RIC1: variants seen among roughly 807,000 people sequenced by gnomAD.
The protein encoded by RIC1 is RIC1 partner of RAB6A GEF complex.
A neutral mutation model predicts 169.0 loss-of-function variants in RIC1; 88 were observed. The ratio of observed to expected loss-of-function variants is 0.52; its 90% CI spans 0.44 to 0.62. The LOEUF (loss-of-function observed/expected upper bound fraction) is 0.62, where lower values mean the gene tolerates loss of function less well. RIC1 is among the 20% of genes least tolerant of loss of function. The pLI is 0.00. For missense variants in RIC1, 1,877 were observed against 1,725.5 expected (o/e 1.09, Z -1.56); for synonymous variants, 790 against 601.5 (o/e 1.31, Z -4.59).
chr9:5,764,664 C>A (rs899683436), intron 19 of RIC1, among the ~76,000 whole-genome samples: 1 of 152,138 alleles, frequency 6.6e-6, no homozygotes, highest in Non-Finnish European at 1.5e-5. Context: ...AAGCAGAGGC[C>A]AGGTGGCCTT....
chr9:5,649,013 A>G (rs1818667364), intron 1 of RIC1, among the ~76,000 whole-genome samples: 1 of 152,180 alleles, frequency 6.6e-6, no homozygotes, highest in Non-Finnish European at 1.5e-5. Context: ...AAGTCTCAAA[A>G]CATTTTAAAA....
chr9:5,744,397 T>A (rs551943575), intron 10 of RIC1, among the ~76,000 whole-genome samples: 1 of 152,190 alleles, frequency 6.6e-6, no homozygotes, highest in African/African-American at 2.4e-5. Context: ...TTTACATAGA[T>A]GTATGTCAAA....
chr9:5,640,253 C>A (rs1818173625), intron 1 of RIC1, among the ~76,000 whole-genome samples: 1 of 152,072 alleles, frequency 6.6e-6, no homozygotes, highest in South Asian at 2.1e-4. Context: ...TTTGAGTTTA[C>A]TGTGAGACTT....
In RIC1 at chr9:5,774,864, T is replaced by A. The variant is rs1827492330; in HGVS notation, c.*618T>A. ...GTTAATGTGCTTGTTTTAGCAAGCT[T>A]GATTCCCATTAGACCAATGTGGGCA... On this transcript the variant is annotated 3_prime_UTR_variant, in exon 26 of 26. Coordinates refer to ENST00000414202, the MANE Select transcript of RIC1 (RefSeq NM_020829.4). 1 of 152,272 alleles carries A rather than the reference T, an allele frequency of 6.6e-6. No individual in the cohort carries two copies. Among genetic ancestry groups the A allele is most frequent in the Non-Finnish European group, 1.5e-5 (1 of 68,068 alleles). The allele number at this position is 152,272 out of a possible 1,614,324, so 9.4% of individuals were successfully genotyped here.
chr9:5,745,068 T>C (rs1318865061), intron 10 of RIC1, among the ~76,000 whole-genome samples: 1 of 152,186 alleles, frequency 6.6e-6, no homozygotes, highest in Non-Finnish European at 1.5e-5. Context: ...AAATAAGTTT[T>C]CACCACACAT....
At chr9:5,720,070 G>A in intron 4 of RIC1, 112 bp from the exon 5 acceptor site, 1 of 731,790 alleles carries the variant, frequency 1.4e-6, no homozygotes, top group Non-Finnish European at 2.2e-6. Flanking sequence ...GAGATGTTTT[G>A]TAAATGGTTT....
At chr9:5,747,193 C>A in intron 11 of RIC1, 109 bp from the exon 12 acceptor site, 1 of 771,394 alleles carries the variant, frequency 1.3e-6, no homozygotes, top group Non-Finnish European at 2.2e-6. Flanking sequence ...GATACATGTA[C>A]ATTTCCTATA....
intron 6 of RIC1, among the ~76,000 whole-genome samples, chr9:5,726,500 T>G (rs1231529756): frequency 1.3e-5 from 2 of 152,228 alleles, no homozygotes; most frequent in East Asian, 1.9e-4. Flanking sequence ...GTCTTGACAC[T>G]TTATCCAATT....
At chr9:5,716,863 T>C (rs1191654101) in intron 4 of RIC1, among the ~76,000 whole-genome samples, 1 of 152,142 alleles carries the variant, frequency 6.6e-6, no homozygotes, top group African/African-American at 2.4e-5. Flanking sequence ...TTAGAGGTGG[T>C]AGTCTCACTG....
In RIC1 at chr9:5,689,976, C is replaced by T. The variant is rs761849561; in HGVS notation, c.270C>T (p.Ile90=). 6.2e-7 allele frequency: 1 copy of T among 1,601,592 alleles called. No homozygotes were observed. Among genetic ancestry groups the T allele is most frequent in the African/African-American group, 1.3e-5 (1 of 74,386 alleles). Reference sequence around the variant, plus strand: ...TCTTTCAGACGGCAAATGGATACATCTTGTTTTTTCATATTACATCTACAA... The same window carrying T: ...TCTTTCAGACGGCAAATGGATACATTTTGTTTTTTCATATTACATCTACAA... ...MIAVSTANGY[I]LFFHITSTRG... Residue 90 remains isoleucine, a synonymous_variant, in exon 3 of 26, where the codon ATC becomes ATT. Coordinates refer to ENST00000414202, the MANE Select transcript of RIC1 (RefSeq NM_020829.4).
In RIC1 at chr9:5,775,844, G is replaced by C. The variant is rs1355260814; in HGVS notation, c.*1598G>C. ...GAATGGGTGGAGTATGTGATTATTG[G>C]TACCTGGTCCTTCTGGTGCTATTTT... On this transcript the variant is annotated 3_prime_UTR_variant, in exon 26 of 26. Transcript: ENST00000414202. The C allele has an allele frequency of 6.6e-6, 1 of 152,068 alleles. No homozygotes were observed. The highest frequency in any genetic ancestry group is 1.5e-5 in the Non-Finnish European group (1 of 67,990). The allele number at this position is 152,068 out of a possible 1,614,324, so 9.4% of individuals were successfully genotyped here. A position where few individuals can be genotyped will look rare whatever the true frequency, so the allele number is the denominator to read the frequency against.
At chr9:5,719,967 A>C (rs1823488944) in intron 4 of RIC1, among the ~76,000 whole-genome samples, 1 of 152,150 alleles carries the variant, frequency 6.6e-6, no homozygotes, top group African/African-American at 2.4e-5. Flanking sequence ...ATCAGTTATC[A>C]AGTTTGTGAC....
At chr9:5,693,795 A>C (rs763235003) in intron 3 of RIC1, among the ~76,000 whole-genome samples, 1 of 152,070 alleles carries the variant, frequency 6.6e-6, no homozygotes, top group African/African-American at 2.4e-5. Flanking sequence ...ATATGTCATC[A>C]TCATGTATAC....
chr9:5,758,894 G>A (rs530428230), intron 17 of RIC1, among the ~76,000 whole-genome samples: 15 of 151,836 alleles, frequency 9.9e-5, no homozygotes, highest in African/African-American at 3.6e-4. Context: ...GCAGGTGCAC[G>A]CCACCACGCC....
chr9:5,705,454 C>A (rs904781103), intron 3 of RIC1, among the ~76,000 whole-genome samples: 1 of 151,902 alleles, frequency 6.6e-6, no homozygotes, highest in African/African-American at 2.4e-5. Context: ...TTATTGCTAG[C>A]GTAGAGAAAT....
intron 2 of RIC1, among the ~76,000 whole-genome samples, chr9:5,663,849 C>G (rs1475705750): frequency 6.6e-6 from 1 of 152,158 alleles, no homozygotes; most frequent in Non-Finnish European, 1.5e-5. Context: ...ATCCTGTCAT[C>G]AAGATACTAG....
At chr9:5,703,544 C>A (rs898576984) in intron 3 of RIC1, among the ~76,000 whole-genome samples, 1 of 152,174 alleles carries the variant, frequency 6.6e-6, no homozygotes, top group Non-Finnish European at 1.5e-5. Flanking sequence ...TCTGGATTTG[C>A]CTATTCTGGA....
At chr9:5,650,819 A>C (rs1189791526) in intron 1 of RIC1, among the ~76,000 whole-genome samples, 1 of 151,998 alleles carries the variant, frequency 6.6e-6, no homozygotes, top group Non-Finnish European at 1.5e-5. Context: ...TCCACAGTGT[A>C]GGATTTTATA....
chr9:5,712,736 G>C (rs1311023544), intron 3 of RIC1: 4 of 152,124 alleles, frequency 2.6e-5, no homozygotes, highest in Admixed American at 6.5e-5. Flanking sequence ...ATCACAGACT[G>C]TGTGTTCAGC....
Sources: gnomAD v4.1 joint callset for allele counts (sites outside exome capture counted in the v4.1 genomes callset) on GRCh38, gnomAD v4.1.1 for gene constraint, MANE v1.5 for transcripts, NCBI Gene and HGNC (gene_info 2026-07-23, HGNC 2026-07-21) for gene names.